The following TRHDE variants were observed in gnomAD, a reference collection of about 807,000 sequenced individuals.
The protein encoded by TRHDE is thyrotropin-releasing hormone-degrading ectoenzyme.
Under a neutral mutation model 125.7 loss-of-function variants are expected in TRHDE, and 72 were observed. That is an observed-to-expected ratio of 0.57 (90% CI 0.47 to 0.70). TRHDE has a LOEUF of 0.70. Ranked by LOEUF, TRHDE falls within the 30% of genes least tolerant of loss-of-function variation. The probability of loss-of-function intolerance (pLI) is 0.00; values close to 1 mark genes in which losing one functional copy is unlikely to be tolerated. For missense variants in TRHDE, 1,110 were observed against 1,327.1 expected (o/e 0.84, Z 2.54); for synonymous variants, 509 against 509.1 (o/e 1.00, Z 0.00).
intron 2 of TRHDE, among the ~76,000 whole-genome samples, chr12:72,175,045 A>G (rs1260068602): frequency 6.6e-6 from 1 of 152,206 alleles, no homozygotes; most frequent in Non-Finnish European, 1.5e-5. Flanking sequence ...TTTTAAGTGT[A>G]TCATATAGTC....
chr12:72,530,416 C>CTTTTTTTTTTTTT (rs71438816), intron 6 of TRHDE, among the ~76,000 whole-genome samples: 5 of 68,482 alleles, frequency 7.3e-5, no homozygotes, highest in African/African-American at 1.8e-4. Flanking sequence ...TTCCTAGAAG[C>CTTTTTTTTTTTTT]TTTTTTTTTT....
chr12:72,158,361 T>A (rs1876564950), intron 2 of TRHDE, among the ~76,000 whole-genome samples: 1 of 151,524 alleles, frequency 6.6e-6, no homozygotes, highest in East Asian at 1.9e-4. Context: ...ATATGTTTCA[T>A]ACATTCATAT....
chr12:72,150,987 A>G (rs1048807681), intron 2 of TRHDE, among the ~76,000 whole-genome samples: 2 of 152,176 alleles, frequency 1.3e-5, no homozygotes, highest in East Asian at 1.9e-4. Context: ...GACTTCCACA[A>G]TGGTTGAACT....
chr12:72,167,138 A>G (rs1037018490), intron 2 of TRHDE, among the ~76,000 whole-genome samples: 2 of 152,110 alleles, frequency 1.3e-5, no homozygotes, highest in Non-Finnish European at 2.9e-5. Context: ...AGTGAACATG[A>G]TGGTCACTTG....
chr12:72,381,871 C>T (rs2135781178), intron 3 of TRHDE, among the ~76,000 whole-genome samples: 2 of 152,220 alleles, frequency 1.3e-5, no homozygotes, highest in South Asian at 4.1e-4. Context: ...ATTTAGGTGG[C>T]ACTTTTATGT....
At chr12:72,658,318 C>T (rs1019236165) in intron 18 of TRHDE, among the ~76,000 whole-genome samples, 2 of 152,172 alleles carry the variant, frequency 1.3e-5, no homozygotes, top group African/African-American at 4.8e-5. Context: ...CTTTTAATTT[C>T]ATGATTTCAC....
At chr12:72,128,996 C>T (rs1327790868) in intron 2 of TRHDE, among the ~76,000 whole-genome samples, 3 of 152,132 alleles carry the variant, frequency 2.0e-5, no homozygotes, top group African/African-American at 7.2e-5. Flanking sequence ...CATAATTAAA[C>T]TGCTCAAAAC....
In TRHDE at chr12:72,286,914, A is replaced by G. The variant is rs746695851; in HGVS notation, c.1148A>G (p.Asn383Ser). The G allele has an allele frequency of 3.7e-6, 6 of 1,613,994 alleles. No individual in the cohort carries two copies. In the South Asian group the frequency reaches 6.6e-5, roughly 18 times the overall value. ...STYYLAWAIC[N>S]FTYRETTTKS... ...TATTATTTAGCCTGGGCAATTTGCA[A>G]CTTCACATACAGAGAAACTACCACC... Residue 383 changes from asparagine to serine, a missense_variant, in exon 2 of 19, where the codon AAC becomes AGC. Asn to Ser is a conservative substitution (Grantham distance 46). This residue lies in a region of TRHDE where 252 missense variants were observed against 274.8 expected (regional missense o/e 0.92). Transcript: ENST00000261180.
intron 5 of TRHDE, among the ~76,000 whole-genome samples, chr12:72,483,514 TGCAGGG>T (rs1280445796): frequency 1.3e-5 from 2 of 152,012 alleles, no homozygotes; most frequent in African/African-American, 4.8e-5. Flanking sequence ...TAATATTACC[TGCAGGG>T]TAATCATATT....
chr12:72,159,555 A>C (rs11179095), intron 2 of TRHDE, among the ~76,000 whole-genome samples: 12,542 of 152,220 alleles, frequency 0.082, 831 homozygotes, highest in South Asian at 0.22. Context: ...ATATATAATT[A>C]TTTTTGACTA....
intron 15 of TRHDE, among the ~76,000 whole-genome samples, chr12:72,637,564 G>A (rs377502107): frequency 1.3e-5 from 2 of 151,682 alleles, no homozygotes; most frequent in South Asian, 2.1e-4. Flanking sequence ...TGTGTTTGCT[G>A]TTGCTTTTCT....
intron 7 of TRHDE, among the ~76,000 whole-genome samples, chr12:72,551,293 G>C (rs1472294894): frequency 6.6e-6 from 1 of 152,064 alleles, no homozygotes; most frequent in Non-Finnish European, 1.5e-5. Flanking sequence ...TTATGGAAGA[G>C]AGAGCTTCAT....
chr12:72,326,045 C>T (rs956535989), intron 2 of TRHDE, among the ~76,000 whole-genome samples: 1 of 152,128 alleles, frequency 6.6e-6, no homozygotes, highest in African/African-American at 2.4e-5. Flanking sequence ...TGCGTAGAGA[C>T]AGAACAACTC....
intron 12 of TRHDE, among the ~76,000 whole-genome samples, chr12:72,597,695 AT>A: frequency 1.9e-5 from 2 of 107,042 alleles, no homozygotes; most frequent in African/African-American, 4.5e-5. Flanking sequence ...AGAGAGGTAT[AT>A]ATATGTGTGT....
intron 2 of TRHDE, among the ~76,000 whole-genome samples, chr12:72,319,366 G>A (rs1380468433): frequency 2.6e-5 from 4 of 152,062 alleles, no homozygotes; most frequent in Non-Finnish European, 5.9e-5. Flanking sequence ...ACCTAGGTCT[G>A]CTTCAGTAGA....
intron 2 of TRHDE, among the ~76,000 whole-genome samples, chr12:72,121,517 A>G (rs1429778040): frequency 6.6e-6 from 1 of 152,150 alleles, no homozygotes; most frequent in African/African-American, 2.4e-5. Context: ...TCCAATGCAA[A>G]GTACCGCAAT....
chr12:72,105,511 G>A (rs1372097888), intron 1 of TRHDE: 1 of 152,164 alleles, frequency 6.6e-6, no homozygotes, highest in Non-Finnish European at 1.5e-5. Flanking sequence ...AGAATTTTCA[G>A]CCAGAGAATA....
intron 2 of TRHDE, among the ~76,000 whole-genome samples, chr12:72,218,585 G>T (rs1294079258): frequency 6.6e-6 from 1 of 152,100 alleles, no homozygotes; most frequent in Non-Finnish European, 1.5e-5. Context: ...TGAAATCAAA[G>T]TATCAGCAGG....
intron 2 of TRHDE, among the ~76,000 whole-genome samples, chr12:72,240,824 G>A (rs960113005): frequency 6.6e-6 from 1 of 151,958 alleles, no homozygotes; most frequent in African/African-American, 2.4e-5. Flanking sequence ...CACCCACCTC[G>A]GCCTCCCAAA....
Sources: gnomAD v4.1 joint callset for allele counts (sites outside exome capture counted in the v4.1 genomes callset) on GRCh38, gnomAD v4.1.1 for gene constraint, gnomAD v4.1.1 regional missense constraint, MANE v1.5 for transcripts, NCBI Gene and HGNC (gene_info 2026-07-23, HGNC 2026-07-21) for gene names.